Variants in ACOT9 observed in about 807,000 individuals in gnomAD.
ACOT9 encodes the protein acyl-coenzyme A thioesterase 9, mitochondrial.
In ACOT9, 34 loss-of-function variants were observed where a neutral mutation model predicts 39.7. The observed-to-expected ratio is 0.86, with a 90% CI of 0.65 to 1.14. ACOT9 has a LOEUF of 1.14. Among genes scored for constraint, ACOT9 ranks in the 50% most tolerant of loss-of-function variants. ACOT9 has a pLI of 0.00. For missense variants in ACOT9, 313 were observed against 344.1 expected (o/e 0.91, Z 0.71); for synonymous variants, 110 against 120.5 (o/e 0.91, Z 0.57).
At chrX:23,711,304 T>C (rs111447105) in intron 9 of ACOT9, among the ~76,000 whole-genome samples, 22,709 of 109,505 alleles carry the variant, frequency 0.21, 1,857 homozygotes, top group African/African-American at 0.26. Flanking sequence ...TGTGGGTGAC[T>C]GAGCGAGACT....
intron 3 of ACOT9, among the ~76,000 whole-genome samples, chrX:23,733,944 A>G (rs1426266888): frequency 1.8e-5 from 2 of 111,606 alleles, no homozygotes; most frequent in African/African-American, 6.5e-5. Context: ...TATTTTTAGT[A>G]GAGATGGGGT....
At chrX:23,725,305 T>C (rs1929471057) in intron 6 of ACOT9, among the ~76,000 whole-genome samples, 1 of 105,312 alleles carries the variant, frequency 9.5e-6, no homozygotes, top group African/African-American at 3.5e-5. Context: ...ACCCCATCTC[T>C]ACTAAAGATA....
rs1307693852 is a variant in ACOT9 at position 23,706,565 on chromosome X, A to AAG, written c.842+62_842+63insCT. 2.1e-3 allele frequency: 1,182 copies of AAG among 564,626 alleles called. 16 individuals carry two copies. In the African/African-American group the frequency reaches 0.027, roughly 13 times the overall value. 46.5% of individuals were successfully genotyped at this position (564,626 alleles called of 1,213,427 possible). ...AAGAGCGAAACTCCGTCTCAAAAAAAAAAAAAAAAAAAAAAGGCCAAGGTT... is the reference window on the plus strand; with the variant it reads ...AAGAGCGAAACTCCGTCTCAAAAAAAAGAAAAAAAAAAAAAAAGGCCAAGGTT... On this transcript the variant is annotated intron_variant, in intron 11 of 15. Transcript: ENST00000379303.
chrX:23,740,142 T>C (rs185900307), intron 1 of ACOT9, among the ~76,000 whole-genome samples: 4,737 of 105,075 alleles, frequency 0.045, 100 homozygotes, highest in Middle Eastern at 0.076. Flanking sequence ...ACAGTCTCAC[T>C]GTCACCCAGG....
chrX:23,726,337 C>T (rs1303167261), intron 6 of ACOT9, among the ~76,000 whole-genome samples: 1 of 111,703 alleles, frequency 9.0e-6, no homozygotes, highest in Admixed American at 9.6e-5. Flanking sequence ...AAGGGGACTA[C>T]AAAAGAGCAG....
chrX:23,735,465 G>A (rs1018043367), intron 2 of ACOT9, among the ~76,000 whole-genome samples: 5 of 110,465 alleles, frequency 4.5e-5, no homozygotes, highest in African/African-American at 1.3e-4. Flanking sequence ...TAAAGAAGCC[G>A]CAATTTTAAT....
Position 23,715,060 on chromosome X carries a change from C to G in ACOT9, c.589-1852G>C, listed in dbSNP as rs754839079. On this transcript the variant is annotated intron_variant, in intron 8 of 15. Coordinates refer to ENST00000379303, the MANE Select transcript of ACOT9 (RefSeq NM_001037171.2). ...AAGCCTCATCACTACTGCCCTCCCC[C>G]TCAATTGCAGGAACAGTCTCACCAA... Among the ~76,000 whole-genome samples the G allele has an allele frequency of 1.4e-4, 16 of 111,526 alleles. No individual in the cohort carries two copies. The East Asian group carries it at 4.5e-3, about 31-fold the overall frequency.
At chrX:23,722,036 C>T in intron 7 of ACOT9, 52 bp from the exon 8 acceptor site, 1 of 857,047 alleles carries the variant, frequency 1.2e-6, no homozygotes, top group Non-Finnish European at 1.6e-6. Flanking sequence ...ATTTTCTGTT[C>T]TGTAAATATG....
chrX:23,702,091 A>AC lies in ACOT9; in HGVS notation c.*1802_*1803insG, dbSNP rs1555934913. On this transcript the variant is annotated 3_prime_UTR_variant, in exon 16 of 16. Coordinates refer to ENST00000379303, the MANE Select transcript of ACOT9 (RefSeq NM_001037171.2). ...CTGTCTCACACACACACACACACAC[A>AC]AAAATACTTTCCACCTAATTCTGAG... Among the ~76,000 whole-genome samples, 1 of 109,044 alleles carries AC rather than the reference A, an allele frequency of 9.2e-6. No individual in the cohort carries two copies. Among genetic ancestry groups the AC allele is most frequent in the African/African-American group, 3.3e-5 (1 of 29,904 alleles). 94.7% of individuals were successfully genotyped at this position (109,044 alleles called of 115,157 possible). A position where few individuals can be genotyped will look rare whatever the true frequency, so the allele number is the denominator to read the frequency against.
Position 23,710,458 on chromosome X carries a change from G to C in ACOT9, c.663-2514C>G, listed in dbSNP as rs757046984. The stretch of plus-strand genomic sequence containing the variant: ...AGACAGGTGGAAAGGAGCCAGCTTA[G>C]AGGAACTCCCACCGCCCAAAGAAGG... On this transcript the variant is annotated intron_variant, in intron 9 of 15. Coordinates refer to ENST00000379303, the MANE Select transcript of ACOT9 (RefSeq NM_001037171.2). Among the ~76,000 whole-genome samples, 3 of 111,905 alleles carry C rather than the reference G, an allele frequency of 2.7e-5. 1 individual carries two copies. Among genetic ancestry groups the C allele is most frequent in the Non-Finnish European group, 5.6e-5 (3 of 53,251 alleles).
chrX:23,716,565 CG>C (rs919959644), intron 8 of ACOT9, among the ~76,000 whole-genome samples: 1 of 112,048 alleles, frequency 8.9e-6, no homozygotes, highest in African/African-American at 3.2e-5. Flanking sequence ...CCTATTCTTA[CG>C]ATGCTTGAAG....
At chrX:23,723,032 A>G (rs771018389) in intron 6 of ACOT9, among the ~76,000 whole-genome samples, 1 of 111,728 alleles carries the variant, frequency 9.0e-6, no homozygotes, top group South Asian at 3.8e-4. Context: ...CACTCCACAG[A>G]GACTCAGTGC....
At chrX:23,708,855 A>G (rs1928798017) in intron 9 of ACOT9, among the ~76,000 whole-genome samples, 1 of 112,090 alleles carries the variant, frequency 8.9e-6, no homozygotes, top group Non-Finnish European at 1.9e-5. Context: ...GAATGGGTGA[A>G]GCAGTCTCAA....
chrX:23,716,923 C>T (rs1451655288), intron 8 of ACOT9, among the ~76,000 whole-genome samples: 1 of 110,673 alleles, frequency 9.0e-6, no homozygotes, highest in Non-Finnish European at 1.9e-5. Context: ...GGCGCTATCT[C>T]GGCTCACTGA....
chrX:23,742,250 G>T (rs5925899), intron 1 of ACOT9, among the ~76,000 whole-genome samples: 2 of 59,772 alleles, frequency 3.3e-5, no homozygotes, highest in African/African-American at 1.7e-4. Context: ...GAGAGAGAGA[G>T]AGAGAGATAT....
At chrX:23,714,036 C>CCAAAA (rs1928995255) in intron 8 of ACOT9, among the ~76,000 whole-genome samples, 1 of 110,759 alleles carries the variant, frequency 9.0e-6, no homozygotes, top group African/African-American at 3.3e-5. Flanking sequence ...CATCCCATCT[C>CCAAAA]CAAAACAAAA....
At chrX:23,737,204 T>C (rs762971244) in intron 1 of ACOT9, among the ~76,000 whole-genome samples, 1 of 111,146 alleles carries the variant, frequency 9.0e-6, no homozygotes, top group Non-Finnish European at 1.9e-5. Flanking sequence ...TCCCAGCTAC[T>C]TGTGAGGCTG....
chrX:23,704,545 C>T (rs1928607041), intron 15 of ACOT9, 149 bp downstream of exon 15: 1 of 680,564 alleles, frequency 1.5e-6, no homozygotes, highest in Non-Finnish European at 2.2e-6. Context: ...CATCTTTGGC[C>T]TTCAGGGCTG....
intron 9 of ACOT9, among the ~76,000 whole-genome samples, chrX:23,711,024 C>CAA (rs113767043): frequency 9.7e-6 from 1 of 103,032 alleles, no homozygotes; most frequent in African/African-American, 3.5e-5. Flanking sequence ...AATAAAAAAA[C>CAA]AAAAAAAAAA....
Sources: gnomAD v4.1 joint callset for allele counts (sites outside exome capture counted in the v4.1 genomes callset) on GRCh38, gnomAD v4.1.1 for gene constraint, MANE v1.5 for transcripts, NCBI Gene and HGNC (gene_info 2026-07-23, HGNC 2026-07-21) for gene names.